RBFOX1: variants seen among roughly 807,000 people sequenced by gnomAD.
RBFOX1 encodes the protein RNA binding fox-1 homolog 1, also known as RNA binding protein fox-1 homolog 1.
In RBFOX1, 8 loss-of-function variants were observed where a neutral mutation model predicts 57.7. That is an observed-to-expected ratio of 0.14 (90% CI 0.08 to 0.25). The LOEUF is 0.25. Ranked by LOEUF, RBFOX1 falls within the 10% of genes least tolerant of loss-of-function variation. The pLI, the probability that RBFOX1 is intolerant of heterozygous loss-of-function variation, is 1.00. For synonymous variants in RBFOX1, 326 were observed against 222.4 expected (o/e 1.47, Z -4.15); for missense variants, 611 against 548.5 (o/e 1.11, Z -1.14).
intron 1 of RBFOX1, among the ~76,000 whole-genome samples, chr16:5,245,543 C>T (rs768482909): frequency 6.6e-6 from 1 of 152,168 alleles, no homozygotes; most frequent in Non-Finnish European, 1.5e-5. Flanking sequence ...CTCCCAGGTT[C>T]AAGGGATTCT....
Position 6,275,174 on chromosome 16 carries a change from G to C in RBFOX1, c.-126-41821G>C, listed in dbSNP as rs545994560. On this transcript the variant is annotated intron_variant, in intron 1 of 15. Coordinates refer to ENST00000550418, the MANE Select transcript of RBFOX1 (RefSeq NM_018723.4). The stretch of plus-strand genomic sequence containing the variant: ...GCAAAGTTAGTATATAGCTGAGCAT[G>C]GTGGCGGGCGCCTGTAGTCCCAGCT... 2.6e-3 allele frequency among the ~76,000 whole-genome samples: 389 copies of C among 152,084 alleles called. 3 individuals are homozygous for C. The highest frequency in any genetic ancestry group is 9.0e-3 in the African/African-American group (373 of 41,522).
chr16:5,923,966 C>A (rs150821632), intron 4 of RBFOX1, among the ~76,000 whole-genome samples: 2 of 152,146 alleles, frequency 1.3e-5, no homozygotes, highest in Non-Finnish European at 2.9e-5. Flanking sequence ...AATTGTAATT[C>A]CCATAATCTC....
intron 3 of RBFOX1, among the ~76,000 whole-genome samples, chr16:6,930,432 A>C (rs2076314740): frequency 6.6e-6 from 1 of 152,076 alleles, no homozygotes; most frequent in Non-Finnish European, 1.5e-5. Flanking sequence ...ATTGTTGAGA[A>C]ACAGTCTCAC....
chr16:7,666,310 G>T (rs545536847), intron 13 of RBFOX1, among the ~76,000 whole-genome samples: 1 of 151,942 alleles, frequency 6.6e-6, no homozygotes, highest in Non-Finnish European at 1.5e-5. Context: ...AGAAATGAAA[G>T]GGAATAGACA....
chr16:6,182,978 C>A (rs1280716040), intron 1 of RBFOX1, among the ~76,000 whole-genome samples: 1 of 152,022 alleles, frequency 6.6e-6, no homozygotes, highest in Non-Finnish European at 1.5e-5. Context: ...TGAAAAGAAA[C>A]CCAGAAATGT....
chr16:7,551,845 C>A (rs371229723), intron 5 of RBFOX1, among the ~76,000 whole-genome samples: 6 of 152,084 alleles, frequency 3.9e-5, no homozygotes, highest in Admixed American at 1.3e-4. Context: ...CAACATACTA[C>A]GGATGGTATG....
intron 1 of RBFOX1, among the ~76,000 whole-genome samples, chr16:5,364,320 G>A (rs1345230790): frequency 6.6e-6 from 1 of 152,174 alleles, no homozygotes; most frequent in East Asian, 1.9e-4. Context: ...CCCTGGCTAG[G>A]CTTTCTTCCT....
At chr16:5,586,235 T>C (rs2046823862) in intron 2 of RBFOX1, among the ~76,000 whole-genome samples, 1 of 152,118 alleles carries the variant, frequency 6.6e-6, no homozygotes, top group Non-Finnish European at 1.5e-5. Flanking sequence ...GGTTTCAGAC[T>C]TCAGGCCTTC....
At chr16:6,734,184 C>T (rs1453203819) in intron 3 of RBFOX1, among the ~76,000 whole-genome samples, 1 of 152,122 alleles carries the variant, frequency 6.6e-6, no homozygotes, top group Non-Finnish European at 1.5e-5. Flanking sequence ...TGATTTCAGC[C>T]CACATCCGTG....
At chr16:5,306,141 C>T (rs1032615600) in intron 1 of RBFOX1, among the ~76,000 whole-genome samples, 6 of 152,082 alleles carry the variant, frequency 3.9e-5, no homozygotes, top group Non-Finnish European at 8.8e-5. Context: ...GTTGAGGCTG[C>T]GATGAGCCAA....
intron 1 of RBFOX1, among the ~76,000 whole-genome samples, chr16:6,289,109 G>A (rs1219667325): frequency 6.6e-6 from 1 of 152,068 alleles, no homozygotes; most frequent in Non-Finnish European, 1.5e-5. Flanking sequence ...GGTTATTTCT[G>A]GAATAAAAAG....
chr16:6,059,726 G>T (rs2095659419), intron 1 of RBFOX1, among the ~76,000 whole-genome samples: 2 of 151,918 alleles, frequency 1.3e-5, no homozygotes, highest in African/African-American at 4.8e-5. Context: ...CTGAAACAGG[G>T]CCTCTACCAT....
chr16:7,393,784 A>G (rs1455039781), intron 4 of RBFOX1, among the ~76,000 whole-genome samples: 1 of 152,000 alleles, frequency 6.6e-6, no homozygotes, highest in Non-Finnish European at 1.5e-5. Context: ...CCTTACCTCC[A>G]CCTTTACTCC....
chr16:7,358,637 C>T (rs922348600), intron 4 of RBFOX1, among the ~76,000 whole-genome samples: 1 of 152,134 alleles, frequency 6.6e-6, no homozygotes, highest in Admixed American at 6.5e-5. Context: ...CCAAGCTGGT[C>T]TCAAACTCCT....
intron 3 of RBFOX1, among the ~76,000 whole-genome samples, chr16:5,782,225 T>C (rs1208570706): frequency 1.3e-5 from 2 of 152,202 alleles, no homozygotes; most frequent in Non-Finnish European, 2.9e-5. Context: ...ACACATTTCT[T>C]ACAGTTCTAG....
chr16:7,608,193 C>T (rs1375554212), intron 10 of RBFOX1, among the ~76,000 whole-genome samples: 3 of 152,124 alleles, frequency 2.0e-5, no homozygotes, highest in African/African-American at 7.2e-5. Context: ...AGAGCCACTC[C>T]CTTAGTAACC....
At chr16:6,376,918 G>A (rs1567151737) in intron 2 of RBFOX1, among the ~76,000 whole-genome samples, 1 of 151,922 alleles carries the variant, frequency 6.6e-6, no homozygotes, top group Non-Finnish European at 1.5e-5. Context: ...TCTGGCTTGG[G>A]TATCACATAG....
intron 5 of RBFOX1, among the ~76,000 whole-genome samples, chr16:7,530,611 C>G (rs1035954822): frequency 3.9e-5 from 6 of 152,124 alleles, no homozygotes; most frequent in Non-Finnish European, 5.9e-5. Flanking sequence ...CCTGCCAGCT[C>G]CAGTCCCAAT....
intron 4 of RBFOX1, among the ~76,000 whole-genome samples, chr16:7,077,829 G>T (rs1382259645): frequency 6.6e-6 from 1 of 152,080 alleles, no homozygotes. Context: ...TCTGAGATGT[G>T]CTTCCAGCTA....
Sources: gnomAD v4.1 joint callset for allele counts (sites outside exome capture counted in the v4.1 genomes callset) on GRCh38, gnomAD v4.1.1 for gene constraint, MANE v1.5 for transcripts, NCBI Gene and HGNC (gene_info 2026-07-23, HGNC 2026-07-21) for gene names.